VXN: variants seen among roughly 807,000 people sequenced by gnomAD.
The protein encoded by VXN is uncharacterized protein C8orf46.
VXN carries 7 observed loss-of-function variants against 23.1 expected under a neutral mutation model. That is an observed-to-expected ratio of 0.30 (90% CI 0.17 to 0.57). The LOEUF (loss-of-function observed/expected upper bound fraction) is 0.57, where lower values mean the gene tolerates loss of function less well. VXN is among the 20% of genes least tolerant of loss of function. VXN has a pLI of 0.91. For synonymous variants in VXN, 120 were observed against 105.8 expected (o/e 1.13, Z -0.83); for missense variants, 238 against 272.6 (o/e 0.87, Z 0.89).
chr8:66,499,956 G>A (rs1394612728), intron 2 of VXN, among the ~76,000 whole-genome samples: 1 of 151,482 alleles, frequency 6.6e-6, no homozygotes, highest in Non-Finnish European at 1.5e-5. Flanking sequence ...TGAACTCTTG[G>A]GCTCAAGCAA....
chr8:66,503,742 C>T (rs978643975), intron 2 of VXN, among the ~76,000 whole-genome samples: 1 of 152,170 alleles, frequency 6.6e-6, no homozygotes, highest in Non-Finnish European at 1.5e-5. Context: ...TGTTCTAAGA[C>T]CATCAGCAGC....
At chr8:66,499,538 G>GTTTTGTTT (rs1364510803) in intron 2 of VXN, among the ~76,000 whole-genome samples, 1 of 151,388 alleles carries the variant, frequency 6.6e-6, no homozygotes, top group Non-Finnish European at 1.5e-5. Flanking sequence ...TGCCCAGCCA[G>GTTTTGTTT]TTTTGTTTTT....
At chr8:66,507,848 G>T (rs914647763) in intron 3 of VXN, among the ~76,000 whole-genome samples, 1 of 152,176 alleles carries the variant, frequency 6.6e-6, no homozygotes, top group African/African-American at 2.4e-5. Context: ...GTCAAGAAAG[G>T]TGCCTGTTTC....
intron 2 of VXN, among the ~76,000 whole-genome samples, chr8:66,500,497 A>T (rs1462209713): frequency 6.6e-6 from 1 of 152,068 alleles, no homozygotes; most frequent in Non-Finnish European, 1.5e-5. Context: ...TTTCTTACTC[A>T]TGACTTTTGC....
At chr8:66,503,242 G>A (rs2130547402) in intron 2 of VXN, among the ~76,000 whole-genome samples, 1 of 152,308 alleles carries the variant, frequency 6.6e-6, no homozygotes, top group African/African-American at 2.4e-5. Context: ...TTACAGTTCT[G>A]TGGTCTTGAG....
intron 2 of VXN, 93 bp from the exon 3 acceptor site, chr8:66,505,282 C>G: frequency 6.8e-7 from 1 of 1,476,250 alleles, no homozygotes; most frequent in African/African-American, 1.4e-5. Context: ...TCCCTCGATG[C>G]GAGCTCCATC....
intron 3 of VXN, among the ~76,000 whole-genome samples, chr8:66,507,198 A>T (rs1292565348): frequency 1.3e-5 from 2 of 152,330 alleles, no homozygotes; most frequent in South Asian, 2.1e-4. Context: ...CTCAAAGTGG[A>T]GTCCCAGGAG....
At chr8:66,502,980 G>T (rs1167769350) in intron 2 of VXN, among the ~76,000 whole-genome samples, 1 of 151,832 alleles carries the variant, frequency 6.6e-6, no homozygotes. Flanking sequence ...CCAAGTAGGT[G>T]GGACTACAGG....
chr8:66,513,020 G>A (rs888248056), intron 4 of VXN, among the ~76,000 whole-genome samples: 2 of 152,192 alleles, frequency 1.3e-5, no homozygotes, highest in African/African-American at 4.8e-5. Context: ...GAATGTGGTG[G>A]ATCTGGTCGG....
intron 5 of VXN, chr8:66,513,912 T>G (rs549835727): frequency 1.3e-4 from 51 of 394,116 alleles, no homozygotes; most frequent in African/African-American, 9.8e-4. Flanking sequence ...GGAGGTTTTT[T>G]GGTTAATTAG....
At chr8:66,494,278 C>G (rs886618144) in intron 1 of VXN, among the ~76,000 whole-genome samples, 3 of 152,150 alleles carry the variant, frequency 2.0e-5, no homozygotes, top group Non-Finnish European at 4.4e-5. Flanking sequence ...GAATGCGACA[C>G]GAGAGTCTTG....
Position 66,509,598 on chromosome 8 carries a change from C to T in VXN, c.281-498C>T, listed in dbSNP as rs114333854. On this transcript the variant is annotated intron_variant, in intron 3 of 5. Coordinates refer to ENST00000305454, the MANE Select transcript of VXN (RefSeq NM_152765.4). ...AGCTATAAAGACTTAATTCCAAGAA[C>T]CTGTTTAATCTCTTGTGATCTGAGG... 4.5e-3 allele frequency among the ~76,000 whole-genome samples: 680 copies of T among 152,240 alleles called. 6 individuals carry two copies. Among genetic ancestry groups the T allele is most frequent in the African/African-American group, 0.016 (659 of 41,528 alleles).
intron 2 of VXN, among the ~76,000 whole-genome samples, chr8:66,504,070 A>G (rs911414317): frequency 2.0e-5 from 3 of 151,272 alleles, no homozygotes; most frequent in Admixed American, 1.3e-4. Context: ...CCCCCAGGAA[A>G]CCTCCTACAT....
At chr8:66,498,992 G>A (rs1348840827) in intron 2 of VXN, 1 of 207,584 alleles carries the variant, frequency 4.8e-6, no homozygotes, top group Non-Finnish European at 1.0e-5. Flanking sequence ...GTGACCTTGA[G>A]CAAGTTGCTT....
In VXN at chr8:66,517,488, A is replaced by G. The variant is rs1447300999; in HGVS notation, c.*1412A>G. ...TCCTTCACACAAAATAGTTCAGAAC[A>G]TAGAGAAGGACCAAGGTTAATAAAT... is the stretch of plus-strand genomic sequence containing the variant. On this transcript the variant is annotated 3_prime_UTR_variant, in exon 6 of 6. Transcript: ENST00000305454. 6.6e-6 allele frequency: 1 copy of G among 152,228 alleles called. No homozygotes were observed. Among genetic ancestry groups the G allele is most frequent in the African/African-American group, 2.4e-5 (1 of 41,450 alleles). The allele number at this position is 152,228 out of a possible 1,614,324, so 9.4% of individuals were successfully genotyped here.
intron 2 of VXN, among the ~76,000 whole-genome samples, chr8:66,503,835 C>G (rs911346844): frequency 1.3e-5 from 2 of 152,216 alleles, no homozygotes; most frequent in African/African-American, 4.8e-5. Flanking sequence ...TCCATTCAGC[C>G]GTCTGTTCCC....
At chr8:66,507,849 T>C (rs1384255474) in intron 3 of VXN, among the ~76,000 whole-genome samples, 4 of 152,074 alleles carry the variant, frequency 2.6e-5, no homozygotes, top group Non-Finnish European at 4.4e-5. Flanking sequence ...TCAAGAAAGG[T>C]GCCTGTTTCC....
rs771919634 is a variant in VXN, at chr8:66,505,425, C to G, written c.177C>G (p.Pro59=). Residue 59 remains proline, a synonymous_variant, in exon 3 of 6, where the codon CCC becomes CCG. Transcript: ENST00000305454. ...CGCACCAGCCCCTGGAGCTGCTGCCCCACCGCGGAGACCGCAGGGACCCTG... is the reference window on the plus strand; with the variant it reads ...CGCACCAGCCCCTGGAGCTGCTGCCGCACCGCGGAGACCGCAGGGACCCTG... ...LYTHQPLELL[P]HRGDRRDPGD... is the part of the protein sequence containing the mutation. The G allele has an allele frequency of 6.3e-7, 1 of 1,579,938 alleles. No individual in the cohort carries two copies. Among genetic ancestry groups the G allele is most frequent in the South Asian group, 1.2e-5 (1 of 86,550 alleles).
chr8:66,505,343 A>T lies in VXN; in HGVS notation c.127-32A>T, dbSNP rs1340973989. On this transcript the variant is annotated intron_variant, in intron 2 of 5. Transcript: ENST00000305454. The stretch of plus-strand genomic sequence containing the variant: ...ATGGGTCCCTAGGCCCGAGCAGAGG[A>T]GTGGGCTAACCGCGTTTCCCCCGCC... 6 of 1,567,334 alleles carry T rather than the reference A, an allele frequency of 3.8e-6. No individual in the cohort carries two copies. In the Admixed American group the frequency reaches 1.2e-4, roughly 30 times the overall value.
Sources: gnomAD v4.1 joint callset for allele counts (sites outside exome capture counted in the v4.1 genomes callset) on GRCh38, gnomAD v4.1.1 for gene constraint, MANE v1.5 for transcripts, NCBI Gene and HGNC (gene_info 2026-07-23, HGNC 2026-07-21) for gene names.